The following ST3GAL5 variants were observed in gnomAD, a reference collection of about 807,000 sequenced individuals.
ST3GAL5 encodes lactosylceramide alpha-2,3-sialyltransferase.
In ST3GAL5, 25 loss-of-function variants were observed where a neutral mutation model predicts 46.1. The ratio of observed to expected loss-of-function variants is 0.54; its 90% CI spans 0.40 to 0.76. The LOEUF (loss-of-function observed/expected upper bound fraction) is 0.76, where lower values mean the gene tolerates loss of function less well. ST3GAL5 is among the 30% of genes least tolerant of loss of function. The probability of loss-of-function intolerance (pLI) is 0.00; values close to 1 mark genes in which losing one functional copy is unlikely to be tolerated. For synonymous variants in ST3GAL5, 182 were observed against 192.7 expected, an observed-to-expected ratio of 0.94 and a Z score of 0.46; for missense variants, 431 against 521.2, an observed-to-expected ratio of 0.83 and a Z score of 1.69.
chr2:85,841,747 G>A (rs1160971626), intron 6 of ST3GAL5, among the ~76,000 whole-genome samples: 3 of 152,104 alleles, frequency 2.0e-5, no homozygotes, highest in Non-Finnish European at 2.9e-5. Context: ...AGATTCTGAT[G>A]GTGTCCCCAC....
intron 3 of ST3GAL5, among the ~76,000 whole-genome samples, chr2:85,860,697 A>G (rs1684615896): frequency 6.6e-6 from 1 of 151,766 alleles, no homozygotes; most frequent in Non-Finnish European, 1.5e-5. Flanking sequence ...ACATGGCAAG[A>G]CCCCATCTCC....
intron 3 of ST3GAL5, among the ~76,000 whole-genome samples, chr2:85,858,782 C>T (rs775460732): frequency 3.3e-5 from 5 of 152,216 alleles, no homozygotes; most frequent in Non-Finnish European, 7.3e-5. Context: ...GCGGTCTGAA[C>T]CTCTGGCTCA....
chr2:85,869,554 CTCTT>C (rs1685684561), intron 1 of ST3GAL5, among the ~76,000 whole-genome samples: 1 of 152,138 alleles, frequency 6.6e-6, no homozygotes, highest in Admixed American at 6.5e-5. Context: ...CCTTGATCAT[CTCTT>C]TAGTATGGGA....
At chr2:85,888,471 G>T (rs571073855) in intron 1 of ST3GAL5, 1 of 170,962 alleles carries the variant, frequency 5.8e-6, no homozygotes, top group East Asian at 1.6e-4. Context: ...AGGAAAACGA[G>T]TTAACTCGGC....
At chr2:85,877,609 G>C (rs1686724768) in intron 1 of ST3GAL5, among the ~76,000 whole-genome samples, 1 of 152,216 alleles carries the variant, frequency 6.6e-6, no homozygotes, top group Non-Finnish European at 1.5e-5. Context: ...CCACTGTCGA[G>C]TTGACTATTT....
chr2:85,840,942 C>CA (rs1272089535), intron 6 of ST3GAL5, among the ~76,000 whole-genome samples: 537 of 23,238 alleles, frequency 0.023, 6 homozygotes, highest in Admixed American at 0.026. Flanking sequence ...GACTCTGTCT[C>CA]AAAAAAAAAA....
chr2:85,873,858 G>A (rs1340083364), intron 1 of ST3GAL5, among the ~76,000 whole-genome samples: 1 of 152,178 alleles, frequency 6.6e-6, no homozygotes, highest in African/African-American at 2.4e-5. Flanking sequence ...TCCCCAGAAT[G>A]TCCCCCCTGG....
chr2:85,862,302 C>T (rs1684814700), intron 2 of ST3GAL5, among the ~76,000 whole-genome samples: 1 of 152,070 alleles, frequency 6.6e-6, no homozygotes, highest in African/African-American at 2.4e-5. Context: ...AAATATTTCT[C>T]ATATACACAA....
intron 1 of ST3GAL5, among the ~76,000 whole-genome samples, chr2:85,887,084 C>T (rs958311873): frequency 6.6e-6 from 1 of 152,124 alleles, no homozygotes; most frequent in African/African-American, 2.4e-5. Flanking sequence ...GAATGGACTC[C>T]CACAGAGGAC....
At position 85,844,559 on chromosome 2, in the gene ST3GAL5, G is replaced by T. The variant is rs113976691; in HGVS notation, c.850-5C>A. 2 of 1,613,938 alleles carry T rather than the reference G, an allele frequency of 1.2e-6. No individual in the cohort carries two copies. The highest frequency in any genetic ancestry group is 2.7e-5 in the African/African-American group (2 of 74,882). Reference sequence around the variant, plus strand: ...GAAGAGTCGTACCCAGAATGGCTAAGGAAAGCAAGCAAGCAGTTGTTAGTC... The same window carrying T: ...GAAGAGTCGTACCCAGAATGGCTAATGAAAGCAAGCAAGCAGTTGTTAGTC... On this transcript the variant is annotated splice_polypyrimidine_tract_variant and splice_region_variant and intron_variant, in intron 5 of 6. Transcript: ENST00000638572.
chr2:85,848,110 C>T lies in ST3GAL5; in HGVS notation c.413G>A (p.Ser138Asn), dbSNP rs766447858. The change falls in exon 4 of 7, where the codon AGC becomes AAC. Residue 138 changes from serine (S) to asparagine (N), a missense_variant. Ser to Asn is a conservative substitution (Grantham distance 46, BLOSUM62 1). Transcript: ENST00000638572. ...SMALLFEHRY[S>N]VDLLPFVQKA... ...CTGCACAAAAGGGAGTAAGTCCACG[C>T]TATACCTGTGCTCAAATAACAGCGC... is the stretch of plus-strand genomic sequence containing the variant. The T allele has an allele frequency of 1.2e-6, 2 of 1,614,210 alleles. No homozygotes were observed. Among genetic ancestry groups the T allele is most frequent in the Non-Finnish European group, 1.7e-6 (2 of 1,180,038 alleles).
intron 3 of ST3GAL5, among the ~76,000 whole-genome samples, chr2:85,858,569 A>G (rs1684401385): frequency 6.6e-6 from 1 of 152,106 alleles, no homozygotes; most frequent in African/African-American, 2.4e-5. Flanking sequence ...TCAGCCTCCC[A>G]AGGTGCTGGG....
At position 85,876,462 on chromosome 2, in the gene ST3GAL5, CTTTTTTTTT is replaced by C. The variant is rs59265377; in HGVS notation, c.82+12353_82+12361del. ...CTGTTTTCTTTTCTTTTTCTTTTTC[CTTTTTTTTT>C]TTTTTTTTTTGAGACGGAGTCTCAC... On this transcript the variant is annotated intron_variant, in intron 1 of 6. Transcript: ENST00000638572. Among the ~76,000 whole-genome samples, 15 of 111,250 alleles carry C rather than the reference CTTTTTTTTT, an allele frequency of 1.3e-4. No individual in the cohort carries two copies. In the South Asian group the frequency reaches 4.4e-3, roughly 32 times the overall value. 73.0% of individuals were successfully genotyped at this position (111,250 alleles called of 152,430 possible).
chr2:85,840,459 A>T (rs1681889294), intron 6 of ST3GAL5, 67 bp from the exon 7 acceptor site: 1 of 1,563,692 alleles, frequency 6.4e-7, no homozygotes, highest in Admixed American at 1.7e-5. Context: ...TTTTGCTGGT[A>T]TTACACATGC....
chr2:85,843,050 G>A (rs112256092), intron 6 of ST3GAL5, among the ~76,000 whole-genome samples: 8 of 152,096 alleles, frequency 5.3e-5, no homozygotes, highest in African/African-American at 9.7e-5. Flanking sequence ...CTGCAACCGC[G>A]CCCAGCCTAG....
rs776776681 is a variant in ST3GAL5, at chr2:85,840,293, T to C, written c.1108A>G (p.Thr370Ala). Residue 370 changes from threonine to alanine, a missense_variant, in exon 7 of 7, where the codon ACA becomes GCA. Thr to Ala is a moderately conservative substitution (Grantham distance 58, BLOSUM62 0). Transcript: ENST00000638572. The part of the protein sequence containing the change: ...GFGYDLNQPR[T>A]PLHYFDSQCM... ...TGACTGTCGAAGTAGTGCAAAGGTG[T>C]TCTGGGTTGATTGAGGTCATATCCA... 6.2e-7 allele frequency: 1 copy of C among 1,614,082 alleles called. No individual in the cohort carries two copies. Among genetic ancestry groups the C allele is most frequent in the South Asian group, 1.1e-5 (1 of 91,072 alleles).
chr2:85,888,828 G>C lies in ST3GAL5; in HGVS notation c.78C>G (p.Gly26=). The C allele has an allele frequency of 1.6e-6, 2 of 1,266,692 alleles. No homozygotes were observed. Among genetic ancestry groups the C allele is most frequent in the Non-Finnish European group, 2.0e-6 (2 of 1,007,268 alleles). The allele number at this position is 1,266,692 out of a possible 1,614,324, so 78.5% of individuals were successfully genotyped here. ...GGAGGGGGCTGCGCCACGTACCTCG[G>C]CCGGCAGGTGCCGCCGCTGCCTCGG... ...PRTEAAAAPA[G]RAMPSEYTYV... Residue 26 remains glycine (G), a synonymous_variant, in exon 1 of 7, where the codon GGC becomes GGG. Transcript: ENST00000638572.
chr2:85,849,538 C>T (rs1409694032), intron 3 of ST3GAL5: 1 of 152,102 alleles, frequency 6.6e-6, no homozygotes, highest in Non-Finnish European at 1.5e-5. Context: ...TGGTGTGAAC[C>T]CGGGAGGCAG....
chr2:85,888,814 C>T lies in ST3GAL5; in HGVS notation c.82+10G>A, dbSNP rs1350089366. The stretch of plus-strand genomic sequence containing the variant: ...CCCCGCGACGCCGAGGAGGGGGCTG[C>T]GCCACGTACCTCGGCCGGCAGGTGC... On this transcript the variant is annotated intron_variant, in intron 1 of 6. Coordinates refer to ENST00000638572, the MANE Select transcript of ST3GAL5 (RefSeq NM_003896.4). The T allele has an allele frequency of 8.1e-7, 1 of 1,238,898 alleles. No homozygotes were observed. The highest frequency in any genetic ancestry group is 1.0e-6 in the Non-Finnish European group (1 of 993,190). The allele number at this position is 1,238,898 out of a possible 1,614,324, so 76.7% of individuals were successfully genotyped here. A position where few individuals can be genotyped will look rare whatever the true frequency, so the allele number is the denominator to read the frequency against.
Sources: allele counts gnomAD v4.1 joint callset (sites outside exome capture counted in the v4.1 genomes callset), GRCh38; gene constraint gnomAD v4.1.1; transcripts MANE v1.5; gene names NCBI Gene and HGNC (gene_info 2026-07-23, HGNC 2026-07-21).